GSN: variants seen among roughly 807,000 people sequenced by gnomAD.
GSN encodes gelsolin, also known as actin-depolymerizing factor.
GSN carries 56 observed loss-of-function variants against 85.7 expected under a neutral mutation model. That is an observed-to-expected ratio of 0.65 (90% confidence interval 0.53 to 0.82). The LOEUF is 0.82. Among genes scored for constraint, GSN ranks in the 40% least tolerant of loss-of-function variants. The pLI, the probability that GSN is intolerant of heterozygous loss-of-function variation, is 0.00. For missense variants in GSN, 857 were observed against 979.8 expected (o/e 0.87, Z 1.67); for synonymous variants, 373 against 399.1 (o/e 0.93, Z 0.78).
At chr9:121,319,280 G>A (rs1010092824) in intron 10 of GSN, among the ~76,000 whole-genome samples, 3 of 152,148 alleles carry the variant, frequency 2.0e-5, no homozygotes, top group Non-Finnish European at 2.9e-5. Context: ...GAGGAAGAGC[G>A]GAGAGTGATG....
At chr9:121,289,276 A>G (rs552026347) in intron 2 of GSN, among the ~76,000 whole-genome samples, 180 of 151,854 alleles carry the variant, frequency 1.2e-3, no homozygotes, top group Admixed American at 3.7e-3. Context: ...CCATCCCATC[A>G]GCTCAGACAA....
chr9:121,254,985 T>C (rs1456265637), intron 6 of GSN, among the ~76,000 whole-genome samples: 1 of 152,208 alleles, frequency 6.6e-6, no homozygotes, highest in South Asian at 2.1e-4. Context: ...AGTCTCTCTC[T>C]GTCGCCCAGG....
intron 4 of GSN, chr9:121,223,109 C>T (rs545146627): frequency 6.6e-6 from 1 of 152,262 alleles, no homozygotes; most frequent in African/African-American, 2.4e-5. Context: ...ATAGCCGTTA[C>T]ACTCCGCCAT....
chr9:121,304,783 C>T (rs1371634261), intron 4 of GSN, among the ~76,000 whole-genome samples: 1 of 152,234 alleles, frequency 6.6e-6, no homozygotes, highest in African/African-American at 2.4e-5. Context: ...GGTCACATAA[C>T]TATATTCAAA....
At chr9:121,240,288 C>T (rs941893505) in intron 5 of GSN, among the ~76,000 whole-genome samples, 5 of 152,168 alleles carry the variant, frequency 3.3e-5, no homozygotes, top group African/African-American at 1.2e-4. Flanking sequence ...GAGGACAGGA[C>T]TTCAACACTG....
chr9:121,206,773 G>A (rs759262394), upstream of GSN, among the ~76,000 whole-genome samples: 6 of 151,426 alleles, frequency 4.0e-5, no homozygotes, highest in East Asian at 1.9e-4. Context: ...TGTTTGTTTC[G>A]AGACTAAGTC....
chr9:121,274,714 G>A (rs1274632327), intron 1 of GSN, among the ~76,000 whole-genome samples: 1 of 152,154 alleles, frequency 6.6e-6, no homozygotes, highest in African/African-American at 2.4e-5. Flanking sequence ...CTAAGAGGAA[G>A]CTCAGGAATA....
intron 6 of GSN, 58 bp downstream of exon 6, chr9:121,312,546 C>T (rs2061282640): frequency 7.2e-7 from 1 of 1,386,638 alleles, no homozygotes; most frequent in Admixed American, 2.2e-5. Flanking sequence ...TGACTTTCTT[C>T]TGTTCAGTAG....
chr9:121,296,676 C>T (rs2059251471), intron 2 of GSN, among the ~76,000 whole-genome samples: 1 of 152,194 alleles, frequency 6.6e-6, no homozygotes, highest in Non-Finnish European at 1.5e-5. Flanking sequence ...TTCCTTTCCA[C>T]CTAGGGGTCC....
At position 121,215,459 on chromosome 9, in the gene GSN, C is replaced by T. The variant is rs113947669; in HGVS notation, c.-528+4592C>T. Among the ~76,000 whole-genome samples, 21 of 151,948 alleles carry T rather than the reference C, an allele frequency of 1.4e-4. 1 individual carries two copies. Among genetic ancestry groups the T allele is most frequent in the African/African-American group, 4.6e-4 (19 of 41,344 alleles). ...TTATAATCCCAGCACTTTGGGAGGCCGAGGTGGGTGGATCACCTGAGGTCA... is the reference window on the plus strand; with the variant it reads ...TTATAATCCCAGCACTTTGGGAGGCTGAGGTGGGTGGATCACCTGAGGTCA... On this transcript the variant is annotated intron_variant, in intron 4 of 24. Transcript: ENST00000373823.
chr9:121,206,748 C>CTTTG (rs895427045), upstream of GSN, among the ~76,000 whole-genome samples: 27 of 151,912 alleles, frequency 1.8e-4, no homozygotes, highest in African/African-American at 5.6e-4. Context: ...CATCTTTGAA[C>CTTTG]TTTGTTTGTT....
chr9:121,327,413 A>C lies in GSN; in HGVS notation c.1693A>C (p.Thr565Pro), dbSNP rs533621038. Reference protein sequence around the residue: ...VGTGASEAEKTGAQELLRVLR... With the variant: ...VGTGASEAEKPGAQELLRVLR... ...TACAGGAGCCAGCGAGGCAGAGAAGACGGGGGCCCAGGAGCTGCTCAGGGT... is the reference window on the plus strand; with the variant it reads ...TACAGGAGCCAGCGAGGCAGAGAAGCCGGGGGCCCAGGAGCTGCTCAGGGT... Residue 565 changes from threonine (T) to proline (P), a missense_variant, in exon 14 of 18, where the codon ACG (threonine) becomes CCG (proline). Transcript: ENST00000432226. The C allele has an allele frequency of 6.2e-7, 1 of 1,611,470 alleles. No homozygotes were observed. Among genetic ancestry groups the C allele is most frequent in the African/African-American group, 1.3e-5 (1 of 74,994 alleles).
At chr9:121,284,819 G>T in intron 2 of GSN, 1 of 167,394 alleles carries the variant, frequency 6.0e-6, no homozygotes, top group Non-Finnish European at 1.5e-5. Context: ...GGCAGGCAGA[G>T]CGGAGGGTGG....
At chr9:121,212,279 T>A (rs2053982299) in intron 4 of GSN, among the ~76,000 whole-genome samples, 1 of 152,230 alleles carries the variant, frequency 6.6e-6, no homozygotes, top group Non-Finnish European at 1.5e-5. Flanking sequence ...ATTCCAACTC[T>A]GCAGTTTATT....
At chr9:121,330,704 T>C (rs1211922618) in intron 16 of GSN, among the ~76,000 whole-genome samples, 1 of 152,150 alleles carries the variant, frequency 6.6e-6, no homozygotes, top group Non-Finnish European at 1.5e-5. Context: ...AGCTAAATAA[T>C]GTGTAATAGA....
chr9:121,331,426 A>G lies in GSN; in HGVS notation c.2004A>G (p.Glu668=). 6.4e-7 allele frequency: 1 copy of G among 1,556,670 alleles called. No individual in the cohort carries two copies. The highest frequency in any genetic ancestry group is 8.7e-7 in the Non-Finnish European group (1 of 1,144,032). The change falls in exon 17 of 18, where the codon GAA becomes GAG. Residue 668 remains glutamate, a synonymous_variant. Transcript: ENST00000432226. ...VWVGKDSQEE[E]KTEALTSAKR... ...TTGGAAAGGATTCTCAAGAAGAAGA[A>G]AAGACAGAAGCCTTGACTTCTGGTG... is the stretch of plus-strand genomic sequence containing the variant.
chr9:121,245,926 G>A (rs138093102), intron 5 of GSN, among the ~76,000 whole-genome samples: 31 of 152,124 alleles, frequency 2.0e-4, no homozygotes, highest in Admixed American at 7.2e-4. Context: ...CTTGAAAAAC[G>A]CATTTAAAAG....
the GSN span, among the ~76,000 whole-genome samples, chr9:121,202,087 C>G: frequency 6.6e-6 from 1 of 152,200 alleles, no homozygotes; most frequent in East Asian, 1.9e-4. Context: ...AGGTGGAAAG[C>G]GCGTATGCGC....
At chr9:121,277,320 T>C (rs2056804039) in intron 1 of GSN, among the ~76,000 whole-genome samples, 1 of 152,210 alleles carries the variant, frequency 6.6e-6, no homozygotes, top group South Asian at 2.1e-4. Context: ...TCTAGAGCAT[T>C]CTAAGATCGC....
Sources: gnomAD v4.1 joint callset for allele counts (sites outside exome capture counted in the v4.1 genomes callset) on GRCh38, gnomAD v4.1.1 for gene constraint, MANE v1.5 for transcripts, NCBI Gene and HGNC (gene_info 2026-07-23, HGNC 2026-07-21) for gene names.